The following DENND1A variants were observed in gnomAD, a reference collection of about 807,000 sequenced individuals.
The protein encoded by DENND1A is DENN domain-containing protein 1A.
In DENND1A, 51 loss-of-function variants were observed where a neutral mutation model predicts 113.7. The ratio of observed to expected loss-of-function variants is 0.45; its 90% CI spans 0.36 to 0.57. The LOEUF is 0.57. Ranked by LOEUF, DENND1A falls within the 20% of genes least tolerant of loss-of-function variation. DENND1A has a pLI of 0.00. For synonymous variants in DENND1A, 565 were observed against 570.8 expected, an observed-to-expected ratio of 0.99 and a Z score of 0.14; for missense variants, 1,258 against 1,395.9, an observed-to-expected ratio of 0.90 and a Z score of 1.57.
chr9:123,395,241 T>C (rs1288652567), intron 21 of DENND1A, among the ~76,000 whole-genome samples: 2 of 152,068 alleles, frequency 1.3e-5, no homozygotes, highest in African/African-American at 2.4e-5. Context: ...TAACTCCCTG[T>C]GGTGACAGCT....
chr9:123,480,296 C>T (rs76280687), intron 13 of DENND1A, among the ~76,000 whole-genome samples: 2 of 152,162 alleles, frequency 1.3e-5, no homozygotes, highest in Admixed American at 6.5e-5. Flanking sequence ...CATGTGCTCA[C>T]GCCACACCTG....
chr9:123,434,875 G>C (rs1355613736), intron 19 of DENND1A, among the ~76,000 whole-genome samples: 10 of 152,190 alleles, frequency 6.6e-5, no homozygotes, highest in Non-Finnish European at 1.5e-4. Context: ...AGGCCACATG[G>C]GGACTACAGG....
At chr9:123,701,220 C>T (rs1330640359) in intron 5 of DENND1A, among the ~76,000 whole-genome samples, 1 of 152,130 alleles carries the variant, frequency 6.6e-6, no homozygotes, top group African/African-American at 2.4e-5. Flanking sequence ...ATGAACTCTC[C>T]AGGGATTATC....
intron 13 of DENND1A, among the ~76,000 whole-genome samples, chr9:123,460,254 A>G (rs1263940516): frequency 6.6e-6 from 1 of 152,246 alleles, no homozygotes; most frequent in African/African-American, 2.4e-5. Context: ...CTTGCTCAAC[A>G]GCTGAGAAAC....
At chr9:123,909,370 TA>T (rs1190158453) in intron 1 of DENND1A, among the ~76,000 whole-genome samples, 2 of 135,064 alleles carry the variant, frequency 1.5e-5, no homozygotes, top group Admixed American at 1.4e-4. Flanking sequence ...AAAAAAACAA[TA>T]AAAAAATAAA....
intron 5 of DENND1A, among the ~76,000 whole-genome samples, chr9:123,745,018 G>A (rs993325229): frequency 1.3e-5 from 2 of 151,884 alleles, no homozygotes; most frequent in African/African-American, 2.4e-5. Context: ...TCAGGTGATC[G>A]ACCCGCCTCG....
In DENND1A at chr9:123,422,977, T is replaced by C. The variant is rs1235473731; in HGVS notation, c.1489-11148A>G. 6.6e-6 allele frequency among the ~76,000 whole-genome samples: 1 copy of C among 152,204 alleles called. No homozygotes were observed. The highest frequency in any genetic ancestry group is 2.4e-5 in the African/African-American group (1 of 41,444). On this transcript the variant is annotated intron_variant, in intron 19 of 23. Coordinates refer to ENST00000394215, the MANE Select transcript of DENND1A (RefSeq NM_001352964.2). This position sits in a 1 kb window ranked among gnomAD's most constrained non-coding sequence, Gnocchi z 4.8. ...AAGACCAACTGCTGGAAAATCTCAC[T>C]GTCAAATCCTCAAGGACATTGTCAG...
chr9:123,903,603 G>C (rs1157782383), intron 1 of DENND1A, among the ~76,000 whole-genome samples: 1 of 152,196 alleles, frequency 6.6e-6, no homozygotes, highest in Non-Finnish European at 1.5e-5. Flanking sequence ...GTCAAAGAAA[G>C]AGGTGACGGA....
intron 1 of DENND1A, among the ~76,000 whole-genome samples, chr9:123,929,111 A>G (rs944229546): frequency 1.3e-5 from 2 of 152,216 alleles, no homozygotes; most frequent in African/African-American, 4.8e-5. Flanking sequence ...TTCCAAAGTC[A>G]ACTTCTAAGT....
intron 10 of DENND1A, among the ~76,000 whole-genome samples, chr9:123,614,168 C>A (rs1432829886): frequency 1.3e-5 from 2 of 152,184 alleles, no homozygotes; most frequent in Non-Finnish European, 2.9e-5. Context: ...ATAAAATTTG[C>A]CAAGATCGCA....
intron 20 of DENND1A, among the ~76,000 whole-genome samples, chr9:123,407,304 AG>A (rs2043945787): frequency 6.6e-6 from 1 of 152,100 alleles, no homozygotes; most frequent in African/African-American, 2.4e-5. Flanking sequence ...GTGTGGACAA[AG>A]CCAGACACAA....
intron 12 of DENND1A, among the ~76,000 whole-genome samples, chr9:123,573,431 C>T (rs1450150048): frequency 5.3e-5 from 8 of 152,054 alleles, no homozygotes; most frequent in African/African-American, 1.9e-4. Flanking sequence ...CAATCCAAAA[C>T]ATGGAATAGC....
intron 5 of DENND1A, among the ~76,000 whole-genome samples, chr9:123,710,807 G>T (rs1305498070): frequency 6.6e-6 from 1 of 151,724 alleles, no homozygotes; most frequent in Non-Finnish European, 1.5e-5. Context: ...CAAGTAGCTG[G>T]GATTACAGGT....
At chr9:123,724,890 G>A (rs1396526226) in intron 5 of DENND1A, among the ~76,000 whole-genome samples, 2 of 152,138 alleles carry the variant, frequency 1.3e-5, no homozygotes, top group Non-Finnish European at 2.9e-5. Flanking sequence ...TTCTAATTTT[G>A]ACAAATATTC....
Position 123,724,829 on chromosome 9 carries a change from C to T in DENND1A, c.302+32874G>A, listed in dbSNP as rs577542705. 2.3e-4 allele frequency among the ~76,000 whole-genome samples: 35 copies of T among 152,308 alleles called. No homozygotes were observed. The South Asian group carries it at 6.4e-3, about 28-fold the overall frequency. On this transcript the variant is annotated intron_variant, in intron 5 of 23. Coordinates refer to ENST00000394215, the MANE Select transcript of DENND1A (RefSeq NM_001352964.2). ...TCAAGCTGTAAAAAACACAAATCAT[C>T]CCCAAGTGCTTTGATAGCTGATAAA...
intron 2 of DENND1A, among the ~76,000 whole-genome samples, chr9:123,877,986 A>T (rs1042933777): frequency 2.0e-5 from 3 of 152,034 alleles, no homozygotes; most frequent in African/African-American, 7.2e-5. Context: ...GATTTTGTTC[A>T]TATTAACAAA....
intron 4 of DENND1A, among the ~76,000 whole-genome samples, chr9:123,767,862 T>G (rs1052777881): frequency 6.6e-6 from 1 of 152,206 alleles, no homozygotes; most frequent in Non-Finnish European, 1.5e-5. Context: ...CATGTAAAAA[T>G]GTATTCTCTT....
chr9:123,858,058 C>CAA (rs1230079039), intron 2 of DENND1A, among the ~76,000 whole-genome samples: 2 of 50,962 alleles, frequency 3.9e-5, no homozygotes, highest in Non-Finnish European at 4.1e-5. Context: ...GACTCCGTCT[C>CAA]AAAAAAAAAA....
At chr9:123,577,422 T>C (rs192588630) in intron 12 of DENND1A, among the ~76,000 whole-genome samples, 31 of 152,364 alleles carry the variant, frequency 2.0e-4, no homozygotes, top group Admixed American at 1.9e-3. Context: ...CTTTAAAGTC[T>C]TTATCTGCTA....
Sources: allele counts gnomAD v4.1 joint callset (sites outside exome capture counted in the v4.1 genomes callset), GRCh38; gene constraint gnomAD v4.1.1; non-coding constraint Gnocchi (gnomAD v3.1); transcripts MANE v1.5; gene names NCBI Gene and HGNC (gene_info 2026-07-23, HGNC 2026-07-21).